The following AKAP13 variants were observed in gnomAD, a reference collection of about 807,000 sequenced individuals.
AKAP13 encodes the protein A-kinase anchor protein 13.
Under a neutral mutation model 264.5 loss-of-function variants are expected in AKAP13, and 80 were observed. The observed-to-expected ratio is 0.30, with a 90% CI of 0.25 to 0.36. The LOEUF (loss-of-function observed/expected upper bound fraction) is 0.36. Ranked by LOEUF, AKAP13 falls within the 10% of genes least tolerant of loss-of-function variation. The pLI is 1.00. For synonymous variants in AKAP13, 1,380 were observed against 1,250.2 expected (o/e 1.10, Z -2.19); for missense variants, 3,712 against 3,435.2 (o/e 1.08, Z -2.01).
intron 2 of AKAP13, among the ~76,000 whole-genome samples, chr15:85,492,667 A>G (rs376870485): frequency 2.0e-5 from 3 of 152,236 alleles, no homozygotes; most frequent in East Asian, 3.8e-4. Flanking sequence ...ATGTAAGTCT[A>G]TATTCACATT....
chr15:85,529,945 T>C (rs1176405697), intron 3 of AKAP13, among the ~76,000 whole-genome samples: 1 of 152,248 alleles, frequency 6.6e-6, no homozygotes, highest in Non-Finnish European at 1.5e-5. Context: ...CTTCAGATTT[T>C]GAATTCGTGT....
rs1360322291 is a variant in AKAP13, at chr15:85,714,293, ACC to A, written c.5600-1494_5600-1493del. On this transcript the variant is annotated intron_variant, in intron 19 of 36. Coordinates refer to ENST00000394518, the MANE Select transcript of AKAP13 (RefSeq NM_007200.5). ...TCCTTGTCGTTTTCACATTGAGTAG[ACC>A]AAGAAGGAAGAGGAAGAAAAGAAGG... Among the ~76,000 whole-genome samples the A allele has an allele frequency of 3.9e-5, 6 of 152,336 alleles. No homozygotes were observed. The East Asian group carries it at 1.2e-3, about 29-fold the overall frequency.
In AKAP13 at chr15:85,581,376, C is replaced by T. The variant is rs144608789; in HGVS notation, c.3308C>T (p.Pro1103Leu). Reference protein sequence around the residue: ...GVNALQGMAEPRRENISHNTQ... With the variant: ...GVNALQGMAELRRENISHNTQ... ...AATGCTCTACAAGGTATGGCTGAGC[C>T]CAGAAGAGAGAATATATCACACAAC... Residue 1103 changes from proline to leucine, a missense_variant, in exon 7 of 37, where the codon CCC becomes CTC. By Grantham distance (98) the Pro-to-Leu change is moderately conservative. Coordinates refer to ENST00000394518, the MANE Select transcript of AKAP13 (RefSeq NM_007200.5). 1 of 1,613,956 alleles carries T rather than the reference C, an allele frequency of 6.2e-7. No homozygotes were observed. Among genetic ancestry groups the T allele is most frequent in the African/African-American group, 1.3e-5 (1 of 74,860 alleles).
Position 85,628,196 on chromosome 15 carries a change from G to C in AKAP13, c.4162-11178G>C, listed in dbSNP as rs151032961. Among the ~76,000 whole-genome samples, 47 of 152,238 alleles carry C rather than the reference G, an allele frequency of 3.1e-4. 1 individual carries two copies. In the East Asian group the frequency reaches 8.5e-3, roughly 28 times the overall value. ...GGGATGTCAAGCCTTCGTAACCCAA[G>C]GCATTTTGTGTTAAAATTATACTTA... is the stretch of plus-strand genomic sequence containing the variant. On this transcript the variant is annotated intron_variant, in intron 8 of 36. Transcript: ENST00000394518.
chr15:85,631,483 T>TTCTCTCTCTC (rs144246285), intron 8 of AKAP13, among the ~76,000 whole-genome samples: 4 of 120,276 alleles, frequency 3.3e-5, no homozygotes, highest in South Asian at 2.8e-4. Flanking sequence ...CACACACACT[T>TTCTCTCTCTC]TCTCTCTCTC....
intron 1 of AKAP13, among the ~76,000 whole-genome samples, chr15:85,405,736 G>T (rs28463072): frequency 0.021 from 3,168 of 152,290 alleles, 108 homozygotes; most frequent in African/African-American, 0.072. Flanking sequence ...AGCCGTTCCA[G>T]ACTTCTCTAA....
At chr15:85,675,992 A>G (rs1226175642) in intron 14 of AKAP13, among the ~76,000 whole-genome samples, 1 of 151,982 alleles carries the variant, frequency 6.6e-6, no homozygotes, top group Non-Finnish European at 1.5e-5. Context: ...GCTCACTGCA[A>G]CCTCTGCCTC....
At chr15:85,693,153 T>A in intron 16 of AKAP13, 124 bp from the exon 17 acceptor site, 1 of 1,378,130 alleles carries the variant, frequency 7.3e-7, no homozygotes, top group Non-Finnish European at 9.3e-7. Flanking sequence ...CCCAGAACTT[T>A]GTTTCTCACT....
At chr15:85,549,770 G>T (rs2077887337) in intron 5 of AKAP13, among the ~76,000 whole-genome samples, 1 of 152,092 alleles carries the variant, frequency 6.6e-6, no homozygotes, top group African/African-American at 2.4e-5. Context: ...AAATGTAAAG[G>T]GTTATATGGT....
intron 1 of AKAP13, among the ~76,000 whole-genome samples, chr15:85,405,804 C>T (rs2071633247): frequency 1.3e-5 from 2 of 152,254 alleles, no homozygotes; most frequent in Admixed American, 6.5e-5. Flanking sequence ...AGAAAGTACT[C>T]TCTGTTGCAT....
At chr15:85,503,372 C>CCTTCCT (rs2076089986) in intron 2 of AKAP13, among the ~76,000 whole-genome samples, 1 of 152,176 alleles carries the variant, frequency 6.6e-6, no homozygotes, top group Non-Finnish European at 1.5e-5. Flanking sequence ...GATTTCAAAG[C>CCTTCCT]CTGTGGTCTT....
chr15:85,629,204 A>G (rs1214658239), intron 8 of AKAP13, among the ~76,000 whole-genome samples: 1 of 152,074 alleles, frequency 6.6e-6, no homozygotes, highest in Non-Finnish European at 1.5e-5. Flanking sequence ...AAAAGGAAGG[A>G]AGTGAGGGAA....
intron 1 of AKAP13, among the ~76,000 whole-genome samples, chr15:85,386,854 T>C (rs2070590504): frequency 6.6e-6 from 1 of 152,110 alleles, no homozygotes; most frequent in Non-Finnish European, 1.5e-5. Context: ...CATTTCTCTA[T>C]CACCTCACTG....
At chr15:85,562,172 T>C (rs777612099) in intron 5 of AKAP13, among the ~76,000 whole-genome samples, 5 of 152,204 alleles carry the variant, frequency 3.3e-5, no homozygotes, top group Admixed American at 6.5e-5. Flanking sequence ...TGATACATTG[T>C]TAAGCAGTTG....
At position 85,708,135 on chromosome 15, in the gene AKAP13, A is replaced by G; in HGVS notation, c.5532+49A>G. The G allele has an allele frequency of 6.4e-7, 1 of 1,572,510 alleles. No homozygotes were observed. The highest frequency in any genetic ancestry group is 1.1e-5 in the South Asian group (1 of 88,794). On this transcript the variant is annotated intron_variant, in intron 18 of 36. Coordinates refer to ENST00000394518, the MANE Select transcript of AKAP13 (RefSeq NM_007200.5). This position sits in a 1 kb window ranked among gnomAD's most constrained non-coding sequence, Gnocchi z 4.3. ...GGCTTAAAATAAAAGGGTTTAAACCAGCAAAATCCTCGGGAGTTGGGAGAG... is the reference window on the plus strand; with the variant it reads ...GGCTTAAAATAAAAGGGTTTAAACCGGCAAAATCCTCGGGAGTTGGGAGAG...
intron 10 of AKAP13, among the ~76,000 whole-genome samples, chr15:85,653,819 C>A (rs1187258569): frequency 6.6e-6 from 1 of 152,140 alleles, no homozygotes; most frequent in Non-Finnish European, 1.5e-5. Context: ...AGACAGTGTC[C>A]ACATCTTAAG....
At chr15:85,487,136 C>T (rs1596317757) in intron 2 of AKAP13, among the ~76,000 whole-genome samples, 1 of 152,164 alleles carries the variant, frequency 6.6e-6, no homozygotes, top group African/African-American at 2.4e-5. Flanking sequence ...GAGTTACAAA[C>T]TATAATCTAA....
intron 2 of AKAP13, among the ~76,000 whole-genome samples, chr15:85,508,142 ATTTT>A (rs79249227): frequency 2.2e-5 from 3 of 137,926 alleles, no homozygotes; most frequent in African/African-American, 2.7e-5. Context: ...ACTTTGTGTA[ATTTT>A]TTTTTTTTTT....
At chr15:85,484,771 A>C (rs940428196) in intron 1 of AKAP13, among the ~76,000 whole-genome samples, 1 of 152,102 alleles carries the variant, frequency 6.6e-6, no homozygotes, top group Non-Finnish European at 1.5e-5. Context: ...GGTCATTTCA[A>C]TTTCAGTGAG....
Sources: gnomAD v4.1 joint callset for allele counts (sites outside exome capture counted in the v4.1 genomes callset) on GRCh38, gnomAD v4.1.1 for gene constraint, Gnocchi (gnomAD v3.1) non-coding constraint, MANE v1.5 for transcripts, NCBI Gene and HGNC (gene_info 2026-07-23, HGNC 2026-07-21) for gene names.